The following GALNTL6 variants were observed in gnomAD, a reference collection of about 807,000 sequenced individuals.
The protein encoded by GALNTL6 is polypeptide N-acetylgalactosaminyltransferase like 6, also known as polypeptide N-acetylgalactosaminyltransferase-like 6.
In GALNTL6, 46 loss-of-function variants were observed where a neutral mutation model predicts 73.7. The observed-to-expected ratio is 0.62, with a 90% CI of 0.49 to 0.80. GALNTL6 has a LOEUF of 0.80. GALNTL6 is among the 30% of genes least tolerant of loss of function. The pLI, the probability that GALNTL6 is intolerant of heterozygous loss-of-function variation, is 0.00. For synonymous variants in GALNTL6, 259 were observed against 263.7 expected (o/e 0.98, Z 0.17); for missense variants, 604 against 755.0 (o/e 0.80, Z 2.34).
chr4:172,764,283 G>C (rs772857610), intron 5 of GALNTL6, among the ~76,000 whole-genome samples: 9 of 152,122 alleles, frequency 5.9e-5, no homozygotes, highest in Non-Finnish European at 1.2e-4. Flanking sequence ...AACAAATTGA[G>C]AGAAAATAAT....
At chr4:172,581,424 T>C (rs1008030364) in intron 5 of GALNTL6, among the ~76,000 whole-genome samples, 2 of 152,130 alleles carry the variant, frequency 1.3e-5, no homozygotes, top group African/African-American at 4.8e-5. Flanking sequence ...TGAAGCCCAG[T>C]CTTCGAGTTC....
At chr4:172,159,466 G>A (rs766363262) in intron 2 of GALNTL6, among the ~76,000 whole-genome samples, 1 of 152,178 alleles carries the variant, frequency 6.6e-6, no homozygotes, top group Non-Finnish European at 1.5e-5. Context: ...TTTCATTCAT[G>A]ATGAAAGATC....
chr4:173,037,653 G>A (rs1390169972), intron 12 of GALNTL6, among the ~76,000 whole-genome samples: 1 of 152,170 alleles, frequency 6.6e-6, no homozygotes, highest in East Asian at 1.9e-4. Flanking sequence ...AAAGAGAATA[G>A]AAACATGTCC....
chr4:172,674,243 A>C (rs1363912520), intron 5 of GALNTL6, among the ~76,000 whole-genome samples: 1 of 152,150 alleles, frequency 6.6e-6, no homozygotes, highest in Non-Finnish European at 1.5e-5. Context: ...ACCAGACATG[A>C]AATTCTGGGT....
chr4:172,132,290 G>A (rs1175860992), intron 2 of GALNTL6, among the ~76,000 whole-genome samples: 1 of 152,020 alleles, frequency 6.6e-6, no homozygotes, highest in Non-Finnish European at 1.5e-5. Context: ...TGTAGTATTT[G>A]AAAACACCCA....
intron 5 of GALNTL6, among the ~76,000 whole-genome samples, chr4:172,636,535 G>A (rs1192036933): frequency 6.6e-6 from 1 of 152,114 alleles, no homozygotes; most frequent in Admixed American, 6.6e-5. Flanking sequence ...AGAAGGCCAT[G>A]TGACAATGGA....
chr4:171,987,770 G>A (rs1043851915), intron 2 of GALNTL6, among the ~76,000 whole-genome samples: 5 of 152,088 alleles, frequency 3.3e-5, no homozygotes, highest in Admixed American at 6.6e-5. Context: ...TAGGCCTGGT[G>A]GAACCACCAT....
intron 5 of GALNTL6, among the ~76,000 whole-genome samples, chr4:172,466,213 A>G (rs1732812284): frequency 1.3e-5 from 2 of 152,280 alleles, no homozygotes; most frequent in Middle Eastern, 3.4e-3. Flanking sequence ...CTAAGACATC[A>G]CTTCCTAAAA....
rs563779208 is a variant in GALNTL6 at position 172,986,230 on chromosome 4, T to A, written c.1372-22948T>A. 2.7e-4 allele frequency among the ~76,000 whole-genome samples: 41 copies of A among 152,336 alleles called. No individual in the cohort carries two copies. In the South Asian group the frequency reaches 8.3e-3, roughly 31 times the overall value. ...CCCTCTTGGGTTTCATCACACATTA[T>A]TCTTAAAGGTAAGAGGAGTGAAACT... On this transcript the variant is annotated intron_variant, in intron 10 of 12. Coordinates refer to ENST00000506823, the MANE Select transcript of GALNTL6 (RefSeq NM_001034845.3).
At chr4:172,074,118 A>C (rs1258778632) in intron 2 of GALNTL6, among the ~76,000 whole-genome samples, 1 of 152,180 alleles carries the variant, frequency 6.6e-6, no homozygotes, top group Admixed American at 6.5e-5. Flanking sequence ...AATTATACAA[A>C]TTTTAGGAAT....
rs970321158 is a variant in GALNTL6, at chr4:173,009,180, C to T, written c.1374C>T (p.Ile458=). ...VEPPPAAWGE[I]RNVAANLCVD... ...AAAATTCTTTCTTCTTTCCACAGATCCGAAATGTGGCAGCAAATCTCTGTG... is the reference window on the plus strand; with the variant it reads ...AAAATTCTTTCTTCTTTCCACAGATTCGAAATGTGGCAGCAAATCTCTGTG... The change falls in exon 11 of 13, where the codon ATC becomes ATT. Residue 458 remains isoleucine (I), a splice_region_variant and synonymous_variant. Coordinates refer to ENST00000506823, the MANE Select transcript of GALNTL6 (RefSeq NM_001034845.3). 1.2e-6 allele frequency: 2 copies of T among 1,611,058 alleles called. No homozygotes were observed. The highest frequency in any genetic ancestry group is 2.2e-5 in the East Asian group (1 of 44,876).
chr4:172,876,626 CAGG>C (rs1417250685), intron 7 of GALNTL6, among the ~76,000 whole-genome samples: 1 of 152,078 alleles, frequency 6.6e-6, no homozygotes, highest in Non-Finnish European at 1.5e-5. Flanking sequence ...CCTTGCATAC[CAGG>C]AGAATAGTCC....
chr4:171,928,626 T>G (rs1437295181), intron 2 of GALNTL6, among the ~76,000 whole-genome samples: 1 of 152,252 alleles, frequency 6.6e-6, no homozygotes, highest in Non-Finnish European at 1.5e-5. Flanking sequence ...TATGACAACA[T>G]TTTGGTCAAT....
intron 2 of GALNTL6, among the ~76,000 whole-genome samples, chr4:172,142,644 T>C (rs1490050845): frequency 1.3e-5 from 2 of 152,030 alleles, no homozygotes; most frequent in Non-Finnish European, 2.9e-5. Context: ...GGAACGTGAT[T>C]TTCCAAACAT....
At chr4:171,885,217 C>T (rs1280633236) in intron 2 of GALNTL6, among the ~76,000 whole-genome samples, 1 of 152,118 alleles carries the variant, frequency 6.6e-6, no homozygotes, top group South Asian at 2.1e-4. Context: ...ACTGTCTCAG[C>T]TATCATTATT....
At chr4:171,930,831 T>C (rs1041859456) in intron 2 of GALNTL6, among the ~76,000 whole-genome samples, 1 of 152,136 alleles carries the variant, frequency 6.6e-6, no homozygotes, top group Non-Finnish European at 1.5e-5. Context: ...CGAGACTCTG[T>C]CTCAAAACAA....
At chr4:172,323,122 A>G (rs1740815601) in intron 4 of GALNTL6, among the ~76,000 whole-genome samples, 1 of 152,182 alleles carries the variant, frequency 6.6e-6, no homozygotes. Context: ...ATATCATAAT[A>G]CATAACATTT....
intron 2 of GALNTL6, among the ~76,000 whole-genome samples, chr4:171,953,388 A>T (rs1269919022): frequency 6.6e-6 from 1 of 152,182 alleles, no homozygotes; most frequent in Non-Finnish European, 1.5e-5. Flanking sequence ...TGGAGTAGAA[A>T]AACAGATCAA....
intron 3 of GALNTL6, among the ~76,000 whole-genome samples, chr4:172,286,749 G>A (rs1739270859): frequency 6.6e-6 from 1 of 152,204 alleles, no homozygotes; most frequent in South Asian, 2.1e-4. Flanking sequence ...GGCCACTGAA[G>A]AGACTCTGAC....
Sources: allele counts gnomAD v4.1 joint callset (sites outside exome capture counted in the v4.1 genomes callset), GRCh38; gene constraint gnomAD v4.1.1; transcripts MANE v1.5; gene names NCBI Gene and HGNC (gene_info 2026-07-23, HGNC 2026-07-21).